The following STT3B variants were observed in gnomAD, a reference collection of about 807,000 sequenced individuals.
STT3B encodes STT3 oligosaccharyltransferase complex catalytic subunit B, also known as dolichyl-diphosphooligosaccharide--protein glycosyltransferase subunit STT3B.
Under a neutral mutation model 96.8 loss-of-function variants are expected in STT3B, and 29 were observed. The ratio of observed to expected loss-of-function variants is 0.30; its 90% CI spans 0.22 to 0.41. The LOEUF (loss-of-function observed/expected upper bound fraction) is 0.41, where lower values mean the gene tolerates loss of function less well. STT3B is among the 10% of genes least tolerant of loss of function. The pLI, the probability that STT3B is intolerant of heterozygous loss-of-function variation, is 1.00. For synonymous variants in STT3B, 367 were observed against 360.0 expected (o/e 1.02, Z -0.22); for missense variants, 640 against 1,022.3 (o/e 0.63, Z 5.10).
chr3:31,629,004 G>C (rs1459868583), intron 13 of STT3B, among the ~76,000 whole-genome samples: 1 of 152,134 alleles, frequency 6.6e-6, no homozygotes, highest in Non-Finnish European at 1.5e-5. Context: ...TACTTGAGAG[G>C]CTGAAATGGG....
At chr3:31,543,154 G>T (rs758290924) in intron 1 of STT3B, among the ~76,000 whole-genome samples, 3 of 151,676 alleles carry the variant, frequency 2.0e-5, no homozygotes, top group Non-Finnish European at 2.9e-5. Flanking sequence ...TTACGTGAGA[G>T]GTCTAGGTAC....
chr3:31,544,010 A>T (rs1434996283), intron 1 of STT3B, among the ~76,000 whole-genome samples: 1 of 152,224 alleles, frequency 6.6e-6, no homozygotes, highest in Non-Finnish European at 1.5e-5. Context: ...AATTCACAAG[A>T]TGCCATTTTA....
chr3:31,631,493 A>G (rs966400633), intron 14 of STT3B, among the ~76,000 whole-genome samples: 2 of 152,204 alleles, frequency 1.3e-5, no homozygotes, highest in Non-Finnish European at 2.9e-5. Flanking sequence ...AAGTTTATCA[A>G]TAGTTTTAAG....
intron 3 of STT3B, among the ~76,000 whole-genome samples, chr3:31,582,951 C>T (rs538228746): frequency 2.6e-5 from 4 of 152,304 alleles, no homozygotes; most frequent in East Asian, 3.9e-4. Flanking sequence ...CTTTAATCTG[C>T]GGCCCAACAT....
chr3:31,635,412 A>G (rs1699737836), intron 15 of STT3B, among the ~76,000 whole-genome samples: 1 of 152,216 alleles, frequency 6.6e-6, no homozygotes, highest in African/African-American at 2.4e-5. Context: ...TATTTTTAAA[A>G]GATGTATGAA....
intron 1 of STT3B, among the ~76,000 whole-genome samples, chr3:31,537,284 C>A (rs1251933731): frequency 6.6e-6 from 1 of 152,136 alleles, no homozygotes; most frequent in Non-Finnish European, 1.5e-5. Context: ...TCCATGTTTT[C>A]CTTCACTTTG....
intron 3 of STT3B, among the ~76,000 whole-genome samples, chr3:31,595,991 T>G (rs1178396877): frequency 1.3e-5 from 2 of 152,248 alleles, no homozygotes; most frequent in African/African-American, 4.8e-5. Context: ...TCTTTTATAT[T>G]GTGTTTGACT....
intron 2 of STT3B, among the ~76,000 whole-genome samples, chr3:31,579,477 TAAAAA>T (rs1173591549): frequency 5.8e-4 from 39 of 67,450 alleles, no homozygotes; most frequent in East Asian, 2.9e-3. Flanking sequence ...CCTGTTTTGA[TAAAAA>T]AAAAAAAAAA....
intron 3 of STT3B, 111 bp downstream of exon 3, chr3:31,580,207 A>T: frequency 2.0e-6 from 2 of 1,008,690 alleles, no homozygotes; most frequent in Admixed American, 4.5e-5. Context: ...GCGTACAGAG[A>T]TCTGTATTAC....
intron 4 of STT3B, among the ~76,000 whole-genome samples, chr3:31,597,712 G>GC (rs1056795011): frequency 5.6e-4 from 85 of 152,200 alleles, no homozygotes; most frequent in African/African-American, 1.8e-3. Flanking sequence ...TCCTACGTTA[G>GC]CCTCCCAAAG....
intron 2 of STT3B, among the ~76,000 whole-genome samples, chr3:31,579,491 A>T (rs1448242424): frequency 2.7e-5 from 4 of 149,498 alleles, no homozygotes; most frequent in Non-Finnish European, 5.9e-5. Flanking sequence ...AAAAAAAAAA[A>T]AAAAAAAAAA....
chr3:31,558,160 A>T (rs1257903149), intron 1 of STT3B, among the ~76,000 whole-genome samples: 1 of 152,156 alleles, frequency 6.6e-6, no homozygotes, highest in African/African-American at 2.4e-5. Context: ...TTCAATTTGG[A>T]TGCCTTTTAC....
At chr3:31,555,198 G>C (rs1697676818) in intron 1 of STT3B, among the ~76,000 whole-genome samples, 1 of 152,116 alleles carries the variant, frequency 6.6e-6, no homozygotes, top group Non-Finnish European at 1.5e-5. Context: ...AAGATGTTTA[G>C]GAATGCCAAA....
Position 31,630,780 on chromosome 3 carries a change from G to A in STT3B, c.2187+1369G>A, listed in dbSNP as rs369756058. Among the ~76,000 whole-genome samples, 8 of 137,582 alleles carry A rather than the reference G, an allele frequency of 5.8e-5. No homozygotes were observed. The South Asian group carries it at 1.3e-3, about 22-fold the overall frequency. 90.3% of individuals were successfully genotyped at this position (137,582 alleles called of 152,430 possible). ...CTCAATTTGTGAATCAAGTTTTACC[G>A]TGTTTTTTTGTGGTGTTTTTTTTGT... On this transcript the variant is annotated intron_variant, in intron 14 of 15. Transcript: ENST00000295770.
chr3:31,559,147 GTGTGTGT>G, intron 1 of STT3B, among the ~76,000 whole-genome samples: 2 of 22,376 alleles, frequency 8.9e-5, no homozygotes, highest in East Asian at 1.4e-3. Flanking sequence ...GATTCTTGGG[GTGTGTGT>G]GTGTGTGTGT....
intron 5 of STT3B, among the ~76,000 whole-genome samples, chr3:31,613,364 A>G (rs562503139): frequency 8.5e-5 from 13 of 152,260 alleles, no homozygotes; most frequent in South Asian, 4.1e-4. Context: ...GTGTTTCAAC[A>G]TAAGTGGACT....
At position 31,600,380 on chromosome 3, in the gene STT3B, T is replaced by C; in HGVS notation, c.798T>C (p.Tyr266=). The change falls in exon 5 of 16, where the codon TAT becomes TAC. Residue 266 remains tyrosine (Y), a synonymous_variant. Transcript: ENST00000295770. ...YFYMVSAWGG[Y]VFIINLIPLH... Reference sequence around the variant, plus strand: ...TATAGGTCTCTGCTTGGGGTGGTTATGTATTTATCATCAATCTTATTCCAC... The same window carrying C: ...TATAGGTCTCTGCTTGGGGTGGTTACGTATTTATCATCAATCTTATTCCAC... The C allele has an allele frequency of 6.3e-7, 1 of 1,576,060 alleles. No homozygotes were observed. The highest frequency in any genetic ancestry group is 1.1e-5 in the South Asian group (1 of 87,842).
intron 1 of STT3B, among the ~76,000 whole-genome samples, chr3:31,546,479 G>C (rs149146810): frequency 1.3e-5 from 2 of 152,298 alleles, no homozygotes; most frequent in East Asian, 1.9e-4. Flanking sequence ...CATTTCAAAG[G>C]GGGAGAAAGC....
chr3:31,535,408 A>G (rs1217656707), intron 1 of STT3B, among the ~76,000 whole-genome samples: 1 of 151,440 alleles, frequency 6.6e-6, no homozygotes, highest in South Asian at 2.1e-4. Flanking sequence ...GTTGGAGGGC[A>G]TAATTCTTTT....
Sources: gnomAD v4.1 joint callset for allele counts (sites outside exome capture counted in the v4.1 genomes callset) on GRCh38, gnomAD v4.1.1 for gene constraint, MANE v1.5 for transcripts, NCBI Gene and HGNC (gene_info 2026-07-23, HGNC 2026-07-21) for gene names.